PREX1: variants seen among roughly 807,000 people sequenced by gnomAD.
PREX1 encodes the protein phosphatidylinositol-3,4,5-trisphosphate dependent Rac exchange factor 1, also known as phosphatidylinositol 3,4,5-trisphosphate-dependent Rac exchanger 1 protein.
In PREX1, 41 loss-of-function variants were observed where a neutral mutation model predicts 198.3. The observed-to-expected ratio is 0.21, with a 90% CI of 0.16 to 0.27. PREX1 has a LOEUF of 0.27. Ranked by LOEUF, PREX1 falls within the 10% of genes least tolerant of loss-of-function variation. The pLI, the probability that PREX1 is intolerant of heterozygous loss-of-function variation, is 1.00. For missense variants in PREX1, 1,620 were observed against 2,200.7 expected (o/e 0.74, Z 5.28); for synonymous variants, 843 against 887.2 (o/e 0.95, Z 0.89).
intron 1 of PREX1, among the ~76,000 whole-genome samples, chr20:48,807,960 C>T (rs1046344008): frequency 6.6e-6 from 1 of 152,108 alleles, no homozygotes; most frequent in Non-Finnish European, 1.5e-5. Context: ...CCTCCCAAGC[C>T]CCTCCCCATC....
chr20:48,852,312 C>T, the PREX1 span, among the ~76,000 whole-genome samples: 7 of 151,946 alleles, frequency 4.6e-5, no homozygotes, highest in Non-Finnish European at 8.8e-5. Flanking sequence ...CCACCCAGAC[C>T]CACCGAAACC....
the PREX1 span, among the ~76,000 whole-genome samples, chr20:48,833,194 T>G: frequency 6.6e-6 from 1 of 152,140 alleles, no homozygotes; most frequent in African/African-American, 2.4e-5. Flanking sequence ...TGGATGGGTG[T>G]TTGCTATTGT....
intron 7 of PREX1, among the ~76,000 whole-genome samples, chr20:48,698,555 G>T (rs2089858837): frequency 6.6e-6 from 1 of 152,148 alleles, no homozygotes; most frequent in Non-Finnish European, 1.5e-5. Flanking sequence ...TTCATGAGGG[G>T]ACAGCAGGAC....
chr20:48,769,285 G>C (rs1398030603), intron 1 of PREX1, among the ~76,000 whole-genome samples: 1 of 152,134 alleles, frequency 6.6e-6, no homozygotes, highest in Non-Finnish European at 1.5e-5. Context: ...GCGGGGGAGG[G>C]GAGATGAGGG....
chr20:48,854,575 T>TAA, the PREX1 span, among the ~76,000 whole-genome samples: 1 of 151,508 alleles, frequency 6.6e-6, no homozygotes, highest in Non-Finnish European at 1.5e-5. Context: ...AAATAAAAAC[T>TAA]AAAAAAAACC....
intron 1 of PREX1, among the ~76,000 whole-genome samples, chr20:48,780,664 G>C (rs753423439): frequency 1.3e-5 from 2 of 152,192 alleles, no homozygotes; most frequent in South Asian, 4.2e-4. Context: ...TTTTACACAA[G>C]GATTTTAGTT....
chr20:48,731,744 A>C (rs189522845), intron 4 of PREX1, among the ~76,000 whole-genome samples: 168 of 152,352 alleles, frequency 1.1e-3, no homozygotes, highest in African/African-American at 4.0e-3. Context: ...AGGGAGACAG[A>C]TGGCACATGT....
intron 1 of PREX1, among the ~76,000 whole-genome samples, chr20:48,759,186 G>A (rs2037146189): frequency 6.6e-6 from 1 of 152,052 alleles, no homozygotes; most frequent in South Asian, 2.1e-4. Context: ...ATCTCTCTGG[G>A]CCTCATCTAT....
At chr20:48,886,868 G>C in the PREX1 span, among the ~76,000 whole-genome samples, 35,431 of 152,098 alleles carry the variant, frequency 0.23, 6,385 homozygotes, top group African/African-American at 0.51. Flanking sequence ...AGAGCTGGGT[G>C]GTGAATCCAA....
In PREX1 at chr20:48,807,603, C is replaced by T. The variant is rs113759205; in HGVS notation, c.219+20039G>A. 8.8e-3 allele frequency among the ~76,000 whole-genome samples: 1,345 copies of T among 152,100 alleles called. 21 individuals carry two copies. The highest frequency in any genetic ancestry group is 0.03 in the African/African-American group (1,257 of 41,452). ...TTTTCTTGTTTCTATAGGAGAAGTT[C>T]CTAAAGGAACTGAATCAAAGGGTAT... On this transcript the variant is annotated intron_variant, in intron 1 of 39. Coordinates refer to ENST00000371941, the MANE Select transcript of PREX1 (RefSeq NM_020820.4).
chr20:48,852,413 A>G, the PREX1 span, among the ~76,000 whole-genome samples: 9 of 152,206 alleles, frequency 5.9e-5, no homozygotes, highest in African/African-American at 1.7e-4. Context: ...TATTGAATCA[A>G]TATCTGCAGA....
intron 1 of PREX1, among the ~76,000 whole-genome samples, chr20:48,800,772 T>G (rs1380975423): frequency 6.6e-6 from 1 of 152,066 alleles, no homozygotes; most frequent in African/African-American, 2.4e-5. Flanking sequence ...ATGAGACCAA[T>G]GCCTTTAACA....
chr20:48,835,075 A>G, the PREX1 span, among the ~76,000 whole-genome samples: 1 of 152,254 alleles, frequency 6.6e-6, no homozygotes, highest in East Asian at 1.9e-4. Context: ...AGTTTTATAC[A>G]TCACTTCTGC....
In PREX1 at chr20:48,632,632, G is replaced by A. The variant is rs4487146; in HGVS notation, c.4275C>T (p.Asn1425=). Residue 1425 remains asparagine (N), a synonymous_variant, in exon 34 of 40, where the codon AAC becomes AAT. Coordinates refer to ENST00000371941, the MANE Select transcript of PREX1 (RefSeq NM_020820.4). ...QLDENYVANT[N]VFYHIEGSRQ... Reference sequence around the variant, plus strand: ...GGCTGCCCTCAATGTGGTAGAAGACGTTGGTGTCTGCGGAAGGATATGGGG... The same window carrying A: ...GGCTGCCCTCAATGTGGTAGAAGACATTGGTGTCTGCGGAAGGATATGGGG... 0.089 allele frequency: 144,061 copies of A among 1,610,188 alleles called. 7,434 individuals are homozygous for A. Among genetic ancestry groups the A allele is most frequent in the East Asian group, 0.17 (7,671 of 44,802 alleles).
Position 48,658,149 on chromosome 20 carries a change from C to T in PREX1, c.1961G>A (p.Gly654Asp). The change falls in exon 17 of 40, where the codon GGC becomes GAC. Residue 654 changes from glycine to aspartate, a missense_variant. Transcript: ENST00000371941. ...KAVVVKSVQR[G>D]SLAEVAGLQV... ...CGAGGGCCTCACCTCAGCCAGCGAG[C>T]CCCTCTGGACGGACTTCACCACCAC... 6.2e-7 allele frequency: 1 copy of T among 1,613,416 alleles called. No individual in the cohort carries two copies. Among genetic ancestry groups the T allele is most frequent in the Non-Finnish European group, 8.5e-7 (1 of 1,179,578 alleles).
chr20:48,871,717 TCA>T, the PREX1 span, among the ~76,000 whole-genome samples: 125 of 110,864 alleles, frequency 1.1e-3, 1 homozygote, highest in African/African-American at 4.1e-3. Flanking sequence ...CTCCTAAGCT[TCA>T]GTTTTCTTAA....
chr20:48,631,980 C>T (rs549517250), intron 35 of PREX1, among the ~76,000 whole-genome samples: 1 of 152,216 alleles, frequency 6.6e-6, no homozygotes, highest in East Asian at 1.9e-4. Context: ...GTAGGAAAGA[C>T]CCACTTTGAA....
At position 48,736,587 on chromosome 20, in the gene PREX1, A is replaced by G. The variant is rs1320016005; in HGVS notation, c.415-1937T>C. 2.6e-5 allele frequency among the ~76,000 whole-genome samples: 4 copies of G among 152,174 alleles called. No individual in the cohort carries two copies. In the East Asian group the frequency reaches 7.7e-4, roughly 29 times the overall value. ...TCTCAAATGGGCCTAAGGGACCATC[A>G]AGGCCAAAAGAGCTGGGTGAGTAGA... On this transcript the variant is annotated intron_variant, in intron 3 of 39. Transcript: ENST00000371941.
chr20:48,696,995 C>CACACACACAT (rs2089850176), intron 7 of PREX1, among the ~76,000 whole-genome samples: 1 of 152,032 alleles, frequency 6.6e-6, no homozygotes, highest in Non-Finnish European at 1.5e-5. Flanking sequence ...CACACACACA[C>CACACACACAT]ACACACACCC....
Sources: allele counts gnomAD v4.1 joint callset (sites outside exome capture counted in the v4.1 genomes callset), GRCh38; gene constraint gnomAD v4.1.1; transcripts MANE v1.5; gene names NCBI Gene and HGNC (gene_info 2026-07-23, HGNC 2026-07-21).